Variants in UBR2 observed in about 807,000 individuals in gnomAD.
UBR2 encodes the protein E3 ubiquitin-protein ligase UBR2.
In UBR2, 92 loss-of-function variants were observed where a neutral mutation model predicts 247.9. The ratio of observed to expected loss-of-function variants is 0.37; its 90% CI spans 0.31 to 0.44. The LOEUF (loss-of-function observed/expected upper bound fraction) is 0.44. UBR2 is among the 20% of genes least tolerant of loss of function. UBR2 has a pLI of 1.00. For synonymous variants in UBR2, 672 were observed against 693.5 expected, an observed-to-expected ratio of 0.97 and a Z score of 0.49; for missense variants, 1,613 against 2,112.6, an observed-to-expected ratio of 0.76 and a Z score of 4.64.
At chr6:42,597,464 C>T (rs1008657162) in intron 4 of UBR2, among the ~76,000 whole-genome samples, 1 of 151,816 alleles carries the variant, frequency 6.6e-6, no homozygotes, top group Admixed American at 6.6e-5. Flanking sequence ...GGTATGGTGG[C>T]GTGCACCTGT....
At position 42,605,741 on chromosome 6, in the gene UBR2, A is replaced by G; in HGVS notation, c.683A>G (p.Tyr228Cys). Residue 228 changes from tyrosine (Y) to cysteine (C), a missense_variant, in exon 6 of 47, where the codon TAT (tyrosine) becomes TGT (cysteine). Around this residue, in one of 3 missense-constraint regions of UBR2, gnomAD observed 1,524 missense variants for 1,967.3 expected, o/e 0.77. Transcript: ENST00000372901. ...LEMVEKSDTYYCMLFNDEVHT... is the reference protein window; with the variant it reads ...LEMVEKSDTYCCMLFNDEVHT... ...CACAGAGAGAAGAGTGACACCTACTATTGCATGCTGTTTAATGATGAGGTT... is the reference window on the plus strand; with the variant it reads ...CACAGAGAGAAGAGTGACACCTACTGTTGCATGCTGTTTAATGATGAGGTT... 1 of 1,609,844 alleles carries G rather than the reference A, an allele frequency of 6.2e-7. No individual in the cohort carries two copies. The highest frequency in any genetic ancestry group is 8.5e-7 in the Non-Finnish European group (1 of 1,178,640).
Position 42,645,446 on chromosome 6 carries a change from T to C in UBR2, c.2285-20T>C, listed in dbSNP as rs773816562. The C allele has an allele frequency of 2.5e-6, 4 of 1,609,268 alleles. No homozygotes were observed. The highest frequency in any genetic ancestry group is 3.4e-6 in the Non-Finnish European group (4 of 1,177,144). On this transcript the variant is annotated intron_variant, in intron 20 of 46. Transcript: ENST00000372901. ...TGATTATGTTAAATGTATGTATATG[T>C]ACTTTTCCATTTTTGACAGGAGAGA...
intron 4 of UBR2, among the ~76,000 whole-genome samples, chr6:42,601,705 AC>A (rs370231534): frequency 0.069 from 10,137 of 146,208 alleles, 416 homozygotes; most frequent in South Asian, 0.11. Flanking sequence ...AAAAAAAAAA[AC>A]CTCAATGGGA....
intron 7 of UBR2, among the ~76,000 whole-genome samples, chr6:42,607,416 C>T (rs1318766834): frequency 6.6e-6 from 1 of 152,068 alleles, no homozygotes; most frequent in African/African-American, 2.4e-5. Context: ...GATCCACCCA[C>T]CTCAGACTCC....
intron 26 of UBR2, among the ~76,000 whole-genome samples, chr6:42,656,496 C>G (rs1490377453): frequency 1.3e-5 from 2 of 152,176 alleles, no homozygotes; most frequent in African/African-American, 4.8e-5. Flanking sequence ...AAAAGATGCC[C>G]AAGCTCATCT....
intron 17 of UBR2, 73 bp from the exon 18 acceptor site, chr6:42,642,343 C>A: frequency 9.6e-7 from 1 of 1,042,332 alleles, no homozygotes; most frequent in Non-Finnish European, 1.4e-6. Flanking sequence ...CAAACTTGTG[C>A]TTTTGGGGAA....
At chr6:42,675,660 G>A (rs1285044582) in intron 38 of UBR2, among the ~76,000 whole-genome samples, 1 of 152,104 alleles carries the variant, frequency 6.6e-6, no homozygotes, top group Non-Finnish European at 1.5e-5. Context: ...AGGGATCACA[G>A]TAAGAAAATG....
intron 23 of UBR2, among the ~76,000 whole-genome samples, chr6:42,650,716 A>G (rs1309246908): frequency 6.6e-6 from 1 of 152,210 alleles, no homozygotes; most frequent in Non-Finnish European, 1.5e-5. Flanking sequence ...ATTACTTAAA[A>G]TACCCTCACC....
chr6:42,575,200 T>TAACTTTTTCCTTTA (rs1421499250), intron 2 of UBR2, among the ~76,000 whole-genome samples: 1 of 152,212 alleles, frequency 6.6e-6, no homozygotes, highest in African/African-American at 2.4e-5. Flanking sequence ...AGACATTATT[T>TAACTTTTTCCTTTA]AACTTTTTCC....
intron 8 of UBR2, among the ~76,000 whole-genome samples, chr6:42,614,439 C>CGTACATACATACGTATATATGTACGTAT (rs1562312402): frequency 1.1e-5 from 1 of 91,996 alleles, no homozygotes; most frequent in Non-Finnish European, 2.3e-5. Flanking sequence ...TATGTATGTA[C>CGTACATACATACGTATATATGTACGTAT]GTACATATAT....
chr6:42,580,257 A>G (rs1323045856), intron 2 of UBR2, among the ~76,000 whole-genome samples: 1 of 152,176 alleles, frequency 6.6e-6, no homozygotes, highest in African/African-American at 2.4e-5. Context: ...AGATTTCTGT[A>G]GTTGTCTAAA....
Position 42,639,512 on chromosome 6 carries a change from C to T in UBR2, c.1859-697C>T, listed in dbSNP as rs141143620. On this transcript the variant is annotated intron_variant, in intron 15 of 46. Coordinates refer to ENST00000372901, the MANE Select transcript of UBR2 (RefSeq NM_001363705.2). ...GCTCAGGAGGCTGAGGCAGGAGAAT[C>T]GCTTGAACCTGGGAGGCAGAGGTTG... 1.5e-3 allele frequency among the ~76,000 whole-genome samples: 227 copies of T among 151,934 alleles called. 2 individuals carry two copies. The highest frequency in any genetic ancestry group is 4.7e-3 in the African/African-American group (195 of 41,454).
Position 42,691,588 on chromosome 6 carries a change from C to A in UBR2, c.*415C>A. ...CATACTTCCTGGTTCCACTGAGTGG[C>A]CCAACACTGGGACTGGGTTGGTGTC... is the stretch of plus-strand genomic sequence containing the variant. On this transcript the variant is annotated 3_prime_UTR_variant, in exon 47 of 47. Coordinates refer to ENST00000372901, the MANE Select transcript of UBR2 (RefSeq NM_001363705.2). 4.1e-6 allele frequency: 1 copy of A among 246,284 alleles called. No homozygotes were observed. The highest frequency in any genetic ancestry group is 7.9e-6 in the Non-Finnish European group (1 of 126,536). The allele number at this position is 246,284 out of a possible 1,614,324, so 15.3% of individuals were successfully genotyped here.
chr6:42,623,693 A>G (rs961089093), intron 11 of UBR2, among the ~76,000 whole-genome samples: 4 of 151,252 alleles, frequency 2.6e-5, no homozygotes, highest in African/African-American at 9.7e-5. Context: ...CTCGTGATCC[A>G]CCCTCCTCAG....
At chr6:42,639,915 C>A (rs1796319432) in intron 15 of UBR2, among the ~76,000 whole-genome samples, 1 of 152,158 alleles carries the variant, frequency 6.6e-6, no homozygotes, top group Non-Finnish European at 1.5e-5. Flanking sequence ...GTGGTCCCAG[C>A]TACTCGGGAG....
At chr6:42,598,833 A>G (rs1793170018) in intron 4 of UBR2, among the ~76,000 whole-genome samples, 1 of 152,222 alleles carries the variant, frequency 6.6e-6, no homozygotes, top group African/African-American at 2.4e-5. Flanking sequence ...TGTGATCTCT[A>G]TCTATATATA....
intron 30 of UBR2, among the ~76,000 whole-genome samples, chr6:42,661,824 C>A (rs1369457336): frequency 6.6e-6 from 1 of 152,106 alleles, no homozygotes; most frequent in Non-Finnish European, 1.5e-5. Flanking sequence ...TAAGGCAGCC[C>A]CATGAAGAGA....
At chr6:42,636,170 GTTTTTTTTTTTGT>G (rs1796079348) in intron 14 of UBR2, among the ~76,000 whole-genome samples, 1 of 109,476 alleles carries the variant, frequency 9.1e-6, no homozygotes, top group African/African-American at 3.5e-5. Flanking sequence ...GGCCATGGTT[GTTTTTTTTTTTGT>G]TTTTTTTTTT....
chr6:42,630,586 G>GT (rs1211220599), intron 11 of UBR2, among the ~76,000 whole-genome samples: 1 of 151,864 alleles, frequency 6.6e-6, no homozygotes, highest in African/African-American at 2.4e-5. Flanking sequence ...AAAAATGCTA[G>GT]TAAGTGCCTT....
Sources: allele counts gnomAD v4.1 joint callset (sites outside exome capture counted in the v4.1 genomes callset), GRCh38; gene constraint gnomAD v4.1.1; regional missense constraint gnomAD v4.1.1; transcripts MANE v1.5; gene names NCBI Gene and HGNC (gene_info 2026-07-23, HGNC 2026-07-21).